COL19A1: variants seen among roughly 807,000 people sequenced by gnomAD.
COL19A1 encodes collagen type XIX alpha 1 chain.
In COL19A1, 159 loss-of-function variants were observed where a neutral mutation model predicts 190.2. That is an observed-to-expected ratio of 0.84 (90% CI 0.73 to 0.95). COL19A1 has a LOEUF of 0.95. COL19A1 is among the 40% of genes least tolerant of loss of function. COL19A1 has a pLI of 0.00. For missense variants in COL19A1, 1,418 were observed against 1,431.9 expected (o/e 0.99, Z 0.16); for synonymous variants, 509 against 458.9 (o/e 1.11, Z -1.39).
chr6:70,018,365 G>A (rs1181478976), intron 11 of COL19A1, among the ~76,000 whole-genome samples: 2 of 152,050 alleles, frequency 1.3e-5, no homozygotes, highest in African/African-American at 4.8e-5. Flanking sequence ...CACTCTTTAA[G>A]GACCTAGAAT....
intron 9 of COL19A1, among the ~76,000 whole-genome samples, chr6:69,944,591 T>G (rs1773676562): frequency 6.6e-6 from 1 of 152,144 alleles, no homozygotes; most frequent in Non-Finnish European, 1.5e-5. Flanking sequence ...TTTAATCAGG[T>G]TTAGCTTAGT....
chr6:70,112,946 C>T (rs1054213163), intron 16 of COL19A1, among the ~76,000 whole-genome samples: 17 of 152,168 alleles, frequency 1.1e-4, no homozygotes, highest in African/African-American at 2.4e-4. Flanking sequence ...CACGGGGGAA[C>T]GAGTTTGAAA....
rs138558316 is a variant in COL19A1, at chr6:69,939,021, C to T, written c.936+921C>T. ...CCCCCCGCTTTAAAAAGACAGGAGA[C>T]GGAAGTCTGAGAAATGACTGATCCC... On this transcript the variant is annotated intron_variant, in intron 9 of 50. Transcript: ENST00000620364. 1.2e-4 allele frequency among the ~76,000 whole-genome samples: 19 copies of T among 152,170 alleles called. No homozygotes were observed. The East Asian group carries it at 2.5e-3, about 20-fold the overall frequency.
intron 46 of COL19A1, among the ~76,000 whole-genome samples, chr6:70,186,677 T>C (rs1416418142): frequency 6.6e-6 from 1 of 152,118 alleles, no homozygotes; most frequent in Admixed American, 6.6e-5. Flanking sequence ...CAACTGAATA[T>C]TTGAAAATTT....
chr6:70,180,220 A>C, intron 42 of COL19A1, 92 bp from the exon 43 acceptor site: 1 of 1,412,602 alleles, frequency 7.1e-7, no homozygotes, highest in Non-Finnish European at 1.0e-6. Context: ...CCTTGGGAGC[A>C]CTATAAACTC....
intron 4 of COL19A1, among the ~76,000 whole-genome samples, chr6:69,905,059 C>T (rs2149979433): frequency 6.6e-6 from 1 of 152,272 alleles, no homozygotes; most frequent in South Asian, 2.1e-4. Context: ...CCAAGCAGCA[C>T]CACTGACACC....
At chr6:70,137,975 A>G (rs956872843) in intron 19 of COL19A1, among the ~76,000 whole-genome samples, 1 of 152,188 alleles carries the variant, frequency 6.6e-6, no homozygotes. Context: ...TCACCTGCAT[A>G]CTTCAAATGA....
At chr6:70,035,816 A>G (rs1477033409) in intron 13 of COL19A1, 88 bp from the exon 14 acceptor site, 2 of 1,035,578 alleles carry the variant, frequency 1.9e-6, no homozygotes, top group Non-Finnish European at 3.0e-6. Context: ...ATTTATCTCT[A>G]TATATTGCTT....
At chr6:70,073,385 A>G (rs1241683193) in intron 15 of COL19A1, among the ~76,000 whole-genome samples, 1 of 152,156 alleles carries the variant, frequency 6.6e-6, no homozygotes, top group African/African-American at 2.4e-5. Flanking sequence ...CCTCTTTTAG[A>G]AAATGGAGAT....
intron 30 of COL19A1, 138 bp downstream of exon 30, chr6:70,150,183 TG>T: frequency 1.1e-6 from 1 of 874,454 alleles, no homozygotes; most frequent in South Asian, 1.6e-5. Context: ...CCCATTATTT[TG>T]TCGAGTGAAA....
intron 40 of COL19A1, 104 bp downstream of exon 40, chr6:70,168,785 A>G (rs1765323882): frequency 1.1e-5 from 13 of 1,194,558 alleles, no homozygotes; most frequent in Non-Finnish European, 1.2e-5. Flanking sequence ...GTGTTCATCA[A>G]TTAACATGCT....
intron 11 of COL19A1, among the ~76,000 whole-genome samples, chr6:69,999,157 T>A (rs1040510318): frequency 5.3e-5 from 8 of 151,876 alleles, no homozygotes; most frequent in African/African-American, 1.9e-4. Flanking sequence ...ACACCTGACC[T>A]CATGATCTGC....
intron 1 of COL19A1, chr6:69,867,518 G>T (rs192591323): frequency 0.011 from 1,716 of 152,418 alleles, 10 homozygotes; most frequent in Non-Finnish European, 0.019. Flanking sequence ...CACAGCGGCC[G>T]AGAACCAGGA....
chr6:70,078,671 A>G (rs1172486019), intron 15 of COL19A1, among the ~76,000 whole-genome samples: 1 of 152,190 alleles, frequency 6.6e-6, no homozygotes, highest in Non-Finnish European at 1.5e-5. Flanking sequence ...CTGCACCTGT[A>G]CAGAGGTGAA....
At chr6:69,965,488 A>G (rs1390713582) in intron 11 of COL19A1, among the ~76,000 whole-genome samples, 1 of 152,168 alleles carries the variant, frequency 6.6e-6, no homozygotes, top group Non-Finnish European at 1.5e-5. Flanking sequence ...TAGCTCCTCA[A>G]AGAGTTGAAC....
At chr6:69,924,564 T>C (rs997228821) in intron 4 of COL19A1, among the ~76,000 whole-genome samples, 1 of 152,170 alleles carries the variant, frequency 6.6e-6, no homozygotes, top group African/African-American at 2.4e-5. Context: ...AATAAACATA[T>C]GTGTGCATGT....
At chr6:69,996,728 T>A (rs1465491248) in intron 11 of COL19A1, among the ~76,000 whole-genome samples, 3 of 152,072 alleles carry the variant, frequency 2.0e-5, no homozygotes, top group Non-Finnish European at 4.4e-5. Flanking sequence ...ACTGAAAAAC[T>A]GTAACATAAG....
At chr6:70,141,720 G>A (rs187497056) in intron 20 of COL19A1, among the ~76,000 whole-genome samples, 173 bp from the exon 21 acceptor site, 65 of 152,160 alleles carry the variant, frequency 4.3e-4, no homozygotes, top group African/African-American at 1.5e-3. Context: ...TTATTTATTA[G>A]TAGTAAGTAT....
At chr6:70,180,000 G>T (rs568931978) in intron 42 of COL19A1, among the ~76,000 whole-genome samples, 1 of 152,070 alleles carries the variant, frequency 6.6e-6, no homozygotes, top group East Asian at 1.9e-4. Flanking sequence ...CTCCTGCCTC[G>T]GGCTCCCGAG....
Sources: allele counts gnomAD v4.1 joint callset (sites outside exome capture counted in the v4.1 genomes callset), GRCh38; gene constraint gnomAD v4.1.1; transcripts MANE v1.5; gene names NCBI Gene and HGNC (gene_info 2026-07-23, HGNC 2026-07-21).